The following UBE3D variants were observed in gnomAD, a reference collection of about 807,000 sequenced individuals.
The protein encoded by UBE3D is ubiquitin protein ligase E3D.
UBE3D carries 48 observed loss-of-function variants against 49.6 expected under a neutral mutation model. The observed-to-expected ratio is 0.97, with a 90% CI of 0.77 to 1.23. The LOEUF is 1.23. UBE3D is among the 50% of genes most tolerant of loss of function. The pLI is 0.00. For missense variants in UBE3D, 452 were observed against 468.4 expected, an observed-to-expected ratio of 0.96 and a Z score of 0.32; for synonymous variants, 189 against 174.2, an observed-to-expected ratio of 1.08 and a Z score of -0.67.
intron 9 of UBE3D, among the ~76,000 whole-genome samples, chr6:82,904,013 A>G (rs1192937336): frequency 1.3e-5 from 2 of 152,136 alleles, no homozygotes; most frequent in Non-Finnish European, 2.9e-5. Context: ...GGGACCAGAA[A>G]AAGACTCTCA....
At chr6:83,011,025 TA>T (rs1464978730) in intron 8 of UBE3D, among the ~76,000 whole-genome samples, 1 of 152,126 alleles carries the variant, frequency 6.6e-6, no homozygotes, top group East Asian at 1.9e-4. Context: ...AGATCATACA[TA>T]ATCTTCAAAT....
At chr6:83,033,635 A>G (rs1181104160) in intron 5 of UBE3D, among the ~76,000 whole-genome samples, 1 of 152,124 alleles carries the variant, frequency 6.6e-6, no homozygotes, top group Non-Finnish European at 1.5e-5. Flanking sequence ...CCACTATGTG[A>G]GATGCCTCAC....
At chr6:82,893,611 A>G (rs1309282623) in intron 9 of UBE3D, among the ~76,000 whole-genome samples, 3 of 152,348 alleles carry the variant, frequency 2.0e-5, no homozygotes, top group African/African-American at 7.2e-5. Context: ...GAAAACAGAA[A>G]CAAACTTAAC....
intron 9 of UBE3D, among the ~76,000 whole-genome samples, chr6:82,907,757 A>G (rs2127722975): frequency 6.6e-6 from 1 of 152,346 alleles, no homozygotes; most frequent in East Asian, 1.9e-4. Flanking sequence ...AAAATGGCAC[A>G]TGCACTTTGC....
chr6:83,032,012 G>A (rs559020948), intron 5 of UBE3D, among the ~76,000 whole-genome samples: 2 of 152,350 alleles, frequency 1.3e-5, no homozygotes, highest in Non-Finnish European at 2.9e-5. Flanking sequence ...GTGTGCTGCA[G>A]GGCCGCAGCC....
chr6:82,922,643 G>A lies in UBE3D; in HGVS notation c.1150-29601C>T, dbSNP rs575675938. ...CCATAAAAATCCTAGAAGAAACCTGGGCAATACCATTCAGGACATAGGCAT... is the reference window on the plus strand; with the variant it reads ...CCATAAAAATCCTAGAAGAAACCTGAGCAATACCATTCAGGACATAGGCAT... On this transcript the variant is annotated intron_variant, in intron 9 of 9. Coordinates refer to ENST00000369747, the MANE Select transcript of UBE3D (RefSeq NM_198920.3). 2.0e-4 allele frequency among the ~76,000 whole-genome samples: 30 copies of A among 151,906 alleles called. No homozygotes were observed. The East Asian group carries it at 4.8e-3, about 24-fold the overall frequency.
chr6:82,915,051 A>AT (rs1275050579), intron 9 of UBE3D, among the ~76,000 whole-genome samples: 1 of 151,978 alleles, frequency 6.6e-6, no homozygotes, highest in South Asian at 2.1e-4. Context: ...TCTCCCTTCC[A>AT]TTTTTTCTTC....
At chr6:82,906,612 AGT>A (rs1213969078) in intron 9 of UBE3D, among the ~76,000 whole-genome samples, 1 of 152,134 alleles carries the variant, frequency 6.6e-6, no homozygotes, top group African/African-American at 2.4e-5. Context: ...GGTTCCTTTT[AGT>A]GGGGAATGGT....
intron 7 of UBE3D, among the ~76,000 whole-genome samples, chr6:83,021,592 C>T (rs1781092769): frequency 6.6e-6 from 1 of 151,556 alleles, no homozygotes; most frequent in Non-Finnish European, 1.5e-5. Context: ...TTTGGCTGGG[C>T]GTGGTGGCTC....
At chr6:82,903,594 A>ACC (rs1268568766) in intron 9 of UBE3D, among the ~76,000 whole-genome samples, 26 of 152,202 alleles carry the variant, frequency 1.7e-4, no homozygotes, top group African/African-American at 6.3e-4. Flanking sequence ...AAAGGAATCA[A>ACC]AATGTAACCA....
chr6:82,977,495 G>A (rs1458656479), intron 8 of UBE3D, among the ~76,000 whole-genome samples: 1 of 152,064 alleles, frequency 6.6e-6, no homozygotes, highest in African/African-American at 2.4e-5. Flanking sequence ...CTCTTAATGA[G>A]TACAAAAGAT....
At chr6:82,940,771 T>C (rs1210936953) in intron 9 of UBE3D, among the ~76,000 whole-genome samples, 1 of 152,228 alleles carries the variant, frequency 6.6e-6, no homozygotes, top group Non-Finnish European at 1.5e-5. Flanking sequence ...GAAAAGTATA[T>C]GTCTTCATGC....
intron 1 of UBE3D, 146 bp from the exon 2 acceptor site, chr6:83,058,168 T>A (rs1263646220): frequency 1.3e-6 from 1 of 775,084 alleles, no homozygotes; most frequent in Non-Finnish European, 2.0e-6. Flanking sequence ...AGCAAGCAGA[T>A]CATAAAGGAA....
chr6:82,958,091 A>G (rs1005686679), intron 8 of UBE3D, among the ~76,000 whole-genome samples: 2 of 152,164 alleles, frequency 1.3e-5, no homozygotes, highest in African/African-American at 4.8e-5. Context: ...TGCGGAACCT[A>G]TTTGAAAATC....
rs1410176638 is a variant in UBE3D, at chr6:83,044,789, A to T, written c.366-130T>A. On this transcript the variant is annotated intron_variant, in intron 3 of 9. Coordinates refer to ENST00000369747, the MANE Select transcript of UBE3D (RefSeq NM_198920.3). Reference sequence around the variant, plus strand: ...TGCAATGCTAATTTTTTCCCCAATTATAAAAGTAATATATACTCACTACAG... The same window carrying T: ...TGCAATGCTAATTTTTTCCCCAATTTTAAAAGTAATATATACTCACTACAG... 14 of 727,834 alleles carry T rather than the reference A, an allele frequency of 1.9e-5. No homozygotes were observed. In the East Asian group the frequency reaches 3.7e-4, roughly 19 times the overall value. The allele number at this position is 727,834 out of a possible 1,614,324, so 45.1% of individuals were successfully genotyped here.
intron 9 of UBE3D, among the ~76,000 whole-genome samples, chr6:82,951,758 A>G (rs1775812639): frequency 6.6e-6 from 1 of 152,124 alleles, no homozygotes; most frequent in Non-Finnish European, 1.5e-5. Flanking sequence ...AGGAATGCCA[A>G]AGGCAGATCT....
At chr6:82,912,167 T>C (rs954614736) in intron 9 of UBE3D, among the ~76,000 whole-genome samples, 2 of 152,190 alleles carry the variant, frequency 1.3e-5, no homozygotes, top group Non-Finnish European at 1.5e-5. Context: ...ACTAAAAAGA[T>C]TTCTTCCATG....
intron 3 of UBE3D, among the ~76,000 whole-genome samples, chr6:83,047,379 G>A (rs1369293200): frequency 6.6e-6 from 1 of 152,154 alleles, no homozygotes; most frequent in African/African-American, 2.4e-5. Context: ...TTCTTCTTGG[G>A]AACCCTACAA....
Position 83,021,279 on chromosome 6 carries a change from A to G in UBE3D, c.846+1174T>C, listed in dbSNP as rs1352731378. ...AACATAGCAAGACCTCGTCTTCACA[A>G]AAAATTTAAAAATTGTCTGGGAATG... is the stretch of plus-strand genomic sequence containing the variant. On this transcript the variant is annotated intron_variant, in intron 7 of 9. Coordinates refer to ENST00000369747, the MANE Select transcript of UBE3D (RefSeq NM_198920.3). 5.9e-5 allele frequency among the ~76,000 whole-genome samples: 9 copies of G among 152,258 alleles called. No individual in the cohort carries two copies. The East Asian group carries it at 1.7e-3, about 29-fold the overall frequency.
Sources: allele counts gnomAD v4.1 joint callset (sites outside exome capture counted in the v4.1 genomes callset), GRCh38; gene constraint gnomAD v4.1.1; transcripts MANE v1.5; gene names NCBI Gene and HGNC (gene_info 2026-07-23, HGNC 2026-07-21).